The following MOK variants were observed in gnomAD, a reference collection of about 807,000 sequenced individuals.
The protein encoded by MOK is MOK protein kinase.
In MOK, 59 loss-of-function variants were observed where a neutral mutation model predicts 54.2. The observed-to-expected ratio is 1.09, with a 90% CI of 0.88 to 1.35. The LOEUF (loss-of-function observed/expected upper bound fraction) is 1.35, where lower values mean the gene tolerates loss of function less well. Ranked by LOEUF, MOK falls within the 40% of genes most tolerant of loss-of-function variation. The pLI, the probability that MOK is intolerant of heterozygous loss-of-function variation, is 0.00. For missense variants in MOK, 517 were observed against 526.2 expected (o/e 0.98, Z 0.17); for synonymous variants, 210 against 202.7 (o/e 1.04, Z -0.31).
intron 7 of MOK, among the ~76,000 whole-genome samples, chr14:102,243,094 A>T (rs1408127521): frequency 5.9e-5 from 9 of 152,188 alleles, no homozygotes; most frequent in Non-Finnish European, 1.3e-4. Context: ...CTCCCTGCTA[A>T]TCATGTCTGG....
chr14:102,297,478 G>T (rs1321943467), intron 1 of MOK, among the ~76,000 whole-genome samples: 1 of 152,360 alleles, frequency 6.6e-6, no homozygotes, highest in Admixed American at 6.5e-5. Flanking sequence ...GAAAATACTA[G>T]TGAGAGGTGA....
rs77400444 is a variant in MOK, at chr14:102,236,966, C to T, written c.591-3177G>A. Among the ~76,000 whole-genome samples, 1 of 152,120 alleles carries T rather than the reference C, an allele frequency of 6.6e-6. No homozygotes were observed. The highest frequency in any genetic ancestry group is 1.9e-4 in the East Asian group (1 of 5,192). On this transcript the variant is annotated intron_variant, in intron 7 of 11. Coordinates refer to ENST00000361847, the MANE Select transcript of MOK (RefSeq NM_014226.3). The surrounding 1 kb of genome is among the most constrained non-coding windows in gnomAD (Gnocchi z 4.5). ...TCCTATTCATCCCATAGTCCCTAAC[C>T]CCTCTACACTTCTCTGTCTCATTCC...
At chr14:102,218,778 G>A in the MOK span, among the ~76,000 whole-genome samples, 8 of 152,170 alleles carry the variant, frequency 5.3e-5, no homozygotes, top group Non-Finnish European at 7.4e-5. Context: ...CTGATGGGAC[G>A]CCGTGCAGAT....
chr14:102,214,878 T>C, the MOK span: 2 of 985,004 alleles, frequency 2.0e-6, no homozygotes, highest in Non-Finnish European at 1.2e-6. Flanking sequence ...TGCTTTGTTT[T>C]TTTTTTTAGC....
intron 2 of MOK, chr14:102,283,030 G>A (rs1194444678): frequency 7.0e-6 from 1 of 142,262 alleles, no homozygotes; most frequent in African/African-American, 2.7e-5. Context: ...CTCCAGCCTG[G>A]GAGACAGAGT....
intron 2 of MOK, among the ~76,000 whole-genome samples, chr14:102,267,767 T>C (rs1190733972): frequency 2.0e-5 from 3 of 152,076 alleles, no homozygotes. Flanking sequence ...TTGAAAGTGT[T>C]AGCAACTCGC....
At chr14:102,252,051 T>C in intron 4 of MOK, 56 bp from the exon 5 acceptor site, 1 of 991,186 alleles carries the variant, frequency 1.0e-6, no homozygotes. Context: ...ATCCTCTTTT[T>C]TGAAATAAAA....
In MOK at chr14:102,297,975, C is replaced by T. The variant is rs549386841; in HGVS notation, c.7+6987G>A. Among the ~76,000 whole-genome samples, 7 of 152,352 alleles carry T rather than the reference C, an allele frequency of 4.6e-5. 1 individual carries two copies. The highest frequency in any genetic ancestry group is 1.4e-4 in the African/African-American group (6 of 41,584). ...CGCCATGCCTGAGCCTCCCAACCCC[C>T]GCTGTGGGCTCCTGCGCAGCCCAAG... On this transcript the variant is annotated intron_variant, in intron 1 of 11. Transcript: ENST00000361847.
intron 1 of MOK, among the ~76,000 whole-genome samples, chr14:102,284,040 T>G (rs968146186): frequency 6.6e-6 from 1 of 152,142 alleles, no homozygotes; most frequent in African/African-American, 2.4e-5. Context: ...TTCCTACAAT[T>G]CTTGCACTTC....
At chr14:102,263,511 G>A (rs1300237097) in intron 4 of MOK, 35 bp downstream of exon 4, 1 of 1,449,384 alleles carries the variant, frequency 6.9e-7, no homozygotes, top group Non-Finnish European at 9.5e-7. Flanking sequence ...CCTTAAAAGA[G>A]GATCTTAGGT....
intron 1 of MOK, among the ~76,000 whole-genome samples, chr14:102,304,339 A>G (rs1447646893): frequency 6.6e-6 from 1 of 152,238 alleles, no homozygotes; most frequent in Non-Finnish European, 1.5e-5. Context: ...AAATCCCACT[A>G]AAGAAAATTT....
At chr14:102,269,569 T>C (rs1319123550) in intron 2 of MOK, among the ~76,000 whole-genome samples, 1 of 150,608 alleles carries the variant, frequency 6.6e-6, no homozygotes, top group Non-Finnish European at 1.5e-5. Flanking sequence ...ATCTCCTGGG[T>C]TCAAGTGATT....
chr14:102,244,647 T>A (rs1406486198), intron 7 of MOK, among the ~76,000 whole-genome samples: 1 of 152,136 alleles, frequency 6.6e-6, no homozygotes, highest in Non-Finnish European at 1.5e-5. Context: ...GAAACTAAAA[T>A]ACGTCTCGGT....
chr14:102,270,847 C>T (rs371821405), intron 2 of MOK, among the ~76,000 whole-genome samples: 183 of 152,140 alleles, frequency 1.2e-3, no homozygotes, highest in African/African-American at 4.2e-3. Context: ...GTTGCACAGC[C>T]GTATAAATGT....
chr14:102,268,580 A>G (rs1261113090), intron 2 of MOK, among the ~76,000 whole-genome samples: 1 of 152,142 alleles, frequency 6.6e-6, no homozygotes, highest in East Asian at 1.9e-4. Flanking sequence ...GAATCTACAA[A>G]TGGAACAAAT....
At chr14:102,285,443 A>G (rs1206950006) in intron 1 of MOK, among the ~76,000 whole-genome samples, 1 of 152,216 alleles carries the variant, frequency 6.6e-6, no homozygotes, top group East Asian at 1.9e-4. Flanking sequence ...TGCACATTTC[A>G]AATGCCTTGT....
At position 102,250,890 on chromosome 14, in the gene MOK, T is replaced by C; in HGVS notation, c.512A>G (p.Glu171Gly). ...GTAGAACCCATCAGTGAGGAGACAC[T>C]CCGGGGCCCGGTACCAGCGGGTGGA... is the stretch of plus-strand genomic sequence containing the variant. ...YISTRWYRAP[E>G]CLLTDGFYTY... The change falls in exon 7 of 12, where the codon GAG (glutamate) becomes GGG (glycine). Residue 171 changes from glutamate (E) to glycine (G), a missense_variant. Physicochemically the swap from Glu to Gly is moderately conservative, Grantham distance 98. Transcript: ENST00000361847. 1 of 1,613,992 alleles carries C rather than the reference T, an allele frequency of 6.2e-7. No individual in the cohort carries two copies. The highest frequency in any genetic ancestry group is 1.3e-5 in the African/African-American group (1 of 74,988).
intron 4 of MOK, among the ~76,000 whole-genome samples, chr14:102,261,081 C>A (rs546005869): frequency 1.3e-5 from 2 of 151,928 alleles, no homozygotes; most frequent in East Asian, 1.9e-4. Context: ...CATGGTGAAA[C>A]CCTGTCAGTA....
downstream of MOK, among the ~76,000 whole-genome samples, chr14:102,222,445 G>A (rs923959432): frequency 6.6e-6 from 1 of 152,182 alleles, no homozygotes; most frequent in African/African-American, 2.4e-5. The surrounding 1 kb of genome is among the most constrained non-coding windows in gnomAD (Gnocchi z 4.4). Context: ...CCAGAACTGC[G>A]GTGCCCTGGG....
Sources: gnomAD v4.1 joint callset for allele counts (sites outside exome capture counted in the v4.1 genomes callset) on GRCh38, gnomAD v4.1.1 for gene constraint, Gnocchi (gnomAD v3.1) non-coding constraint, MANE v1.5 for transcripts, NCBI Gene and HGNC (gene_info 2026-07-23, HGNC 2026-07-21) for gene names.